MRTFA: variants seen among roughly 807,000 people sequenced by gnomAD.
MRTFA encodes the protein myocardin related transcription factor A, also known as myocardin-related transcription factor A.
Under a neutral mutation model 83.5 loss-of-function variants are expected in MRTFA, and 20 were observed. The ratio of observed to expected loss-of-function variants is 0.24; its 90% CI spans 0.17 to 0.35. MRTFA has a LOEUF of 0.35. Ranked by LOEUF, MRTFA falls within the 10% of genes least tolerant of loss-of-function variation. The probability of loss-of-function intolerance (pLI) is 1.00; values close to 1 mark genes in which losing one functional copy is unlikely to be tolerated. For missense variants in MRTFA, 1,200 were observed against 1,224.7 expected (o/e 0.98, Z 0.30); for synonymous variants, 659 against 541.2 (o/e 1.22, Z -3.02).
At chr22:40,542,155 T>G (rs1267790253) in intron 3 of MRTFA, among the ~76,000 whole-genome samples, 2 of 152,164 alleles carry the variant, frequency 1.3e-5, no homozygotes, top group Non-Finnish European at 2.9e-5. Flanking sequence ...ATACTGGTAC[T>G]CTTCCAGTTC....
intron 2 of MRTFA, 111 bp from the exon 3 acceptor site, chr22:40,552,478 T>A: frequency 2.6e-6 from 1 of 389,332 alleles, no homozygotes; most frequent in Non-Finnish European, 4.5e-6. Context: ...CTCACACATA[T>A]CATGGGAGGG....
intron 3 of MRTFA, chr22:40,523,361 G>C (rs1490833568): frequency 6.6e-6 from 1 of 151,946 alleles, no homozygotes; most frequent in African/African-American, 2.4e-5. Flanking sequence ...TTTTTTTTGA[G>C]ATAGGGTCTC....
chr22:40,527,131 TACACACAC>T (rs35912231), intron 3 of MRTFA, among the ~76,000 whole-genome samples: 5 of 146,378 alleles, frequency 3.4e-5, no homozygotes, highest in Non-Finnish European at 6.0e-5. Context: ...GCCTCAAAGA[TACACACAC>T]ACACACACAC....
At chr22:40,572,005 T>C (rs1304633611) in intron 2 of MRTFA, among the ~76,000 whole-genome samples, 2 of 119,128 alleles carry the variant, frequency 1.7e-5, no homozygotes, top group Non-Finnish European at 3.6e-5. Context: ...TAGGAAATAA[T>C]GAAAAAAAAA....
At chr22:40,436,695 A>G (rs993260693) in intron 4 of MRTFA, among the ~76,000 whole-genome samples, 48 of 150,454 alleles carry the variant, frequency 3.2e-4, no homozygotes, top group African/African-American at 1.2e-3. Flanking sequence ...ATGAGAGGGA[A>G]AGGCCTGACT....
Position 40,419,270 on chromosome 22 carries a change from C to T in MRTFA, c.1468G>A (p.Ala490Thr). The change falls in exon 12 of 15, where the codon GCC (alanine) becomes ACC (threonine). Residue 490 changes from alanine (A) to threonine (T), a missense_variant. By Grantham distance (58) the Ala-to-Thr change is moderately conservative (BLOSUM62 0). Coordinates refer to ENST00000355630, the MANE Select transcript of MRTFA (RefSeq NM_020831.6). ...GAGGTGGCGGCAGGGGCCTTGGGGG[C>T]TCCTGGCACAGGGCTGATTTGGTCT... 1.9e-6 allele frequency: 3 copies of T among 1,613,396 alleles called. No homozygotes were observed. The highest frequency in any genetic ancestry group is 2.5e-6 in the Non-Finnish European group (3 of 1,179,782).
chr22:40,586,804 A>G (rs528575985), intron 2 of MRTFA: 43 of 368,984 alleles, frequency 1.2e-4, no homozygotes, highest in Non-Finnish European at 1.8e-4. Context: ...TCTCCTGCTT[A>G]AAAACAACAA....
intron 1 of MRTFA, among the ~76,000 whole-genome samples, chr22:40,597,550 T>TA (rs1220994483): frequency 6.6e-6 from 1 of 152,228 alleles, no homozygotes; most frequent in Non-Finnish European, 1.5e-5. Flanking sequence ...TAGTCATGGA[T>TA]AAAGAAGGTT....
chr22:40,463,263 G>A lies in MRTFA; in HGVS notation c.265C>T (p.Arg89Cys). ...CTCACCAGTTCTTCCCGGGTCCGGCGCTGCTGGAGTTTCAACTGTAGCACT... is the reference window on the plus strand; with the variant it reads ...CTCACCAGTTCTTCCCGGGTCCGGCACTGCTGGAGTTTCAACTGTAGCACT... The change falls in exon 4 of 15, where the codon CGC becomes TGC. Residue 89 changes from arginine (R) to cysteine (C), a missense_variant. Around this residue, in one of 2 missense-constraint regions of MRTFA, gnomAD observed 93 missense variants for 182.9 expected, o/e 0.51. Transcript: ENST00000355630. 6.2e-7 allele frequency: 1 copy of A among 1,614,072 alleles called. No homozygotes were observed. The highest frequency in any genetic ancestry group is 8.5e-7 in the Non-Finnish European group (1 of 1,179,986).
At chr22:40,428,938 C>T (rs2053011771) in intron 7 of MRTFA, among the ~76,000 whole-genome samples, 1 of 152,214 alleles carries the variant, frequency 6.6e-6, no homozygotes, top group Non-Finnish European at 1.5e-5. Flanking sequence ...CCTACTCATC[C>T]TTCAGCCCCA....
intron 3 of MRTFA, among the ~76,000 whole-genome samples, chr22:40,518,754 C>A (rs1427723211): frequency 1.5e-5 from 2 of 136,260 alleles, no homozygotes; most frequent in East Asian, 4.5e-4. Flanking sequence ...AAGATCATGC[C>A]ACTGCACTCC....
At chr22:40,594,122 A>G (rs533393607) in intron 2 of MRTFA, among the ~76,000 whole-genome samples, 3 of 152,232 alleles carry the variant, frequency 2.0e-5, no homozygotes, top group Non-Finnish European at 4.4e-5. Flanking sequence ...GGAACAAAGC[A>G]TGTTGTGTCA....
chr22:40,452,173 CAG>C (rs1453424716), intron 4 of MRTFA, among the ~76,000 whole-genome samples: 3 of 151,848 alleles, frequency 2.0e-5, no homozygotes, highest in African/African-American at 7.3e-5. Flanking sequence ...TTAGTAGAGA[CAG>C]AGGTTTCACC....
intron 1 of MRTFA, among the ~76,000 whole-genome samples, chr22:40,631,021 GC>G (rs890249285): frequency 1.3e-5 from 2 of 152,130 alleles, no homozygotes; most frequent in African/African-American, 4.8e-5. Flanking sequence ...CAGACAGAGA[GC>G]CCAGTAAATT....
At chr22:40,554,524 G>A (rs1219024480) in intron 2 of MRTFA, among the ~76,000 whole-genome samples, 2 of 152,172 alleles carry the variant, frequency 1.3e-5, no homozygotes, top group Non-Finnish European at 2.9e-5. Context: ...ACCTTGTGAA[G>A]AAGGATGTGT....
chr22:40,438,475 T>C (rs2053212712), intron 4 of MRTFA, among the ~76,000 whole-genome samples: 1 of 152,202 alleles, frequency 6.6e-6, no homozygotes. Context: ...ACCCAACTTC[T>C]AGAAGAACAA....
chr22:40,486,606 A>C (rs978451873), intron 3 of MRTFA, among the ~76,000 whole-genome samples: 2 of 152,234 alleles, frequency 1.3e-5, no homozygotes, highest in Non-Finnish European at 2.9e-5. Flanking sequence ...TTTTGTCTAA[A>C]CAACTGTATT....
chr22:40,633,535 A>T (rs2056662809), intron 1 of MRTFA, among the ~76,000 whole-genome samples: 1 of 152,206 alleles, frequency 6.6e-6, no homozygotes, highest in Admixed American at 6.5e-5. Context: ...TCTCAAAGAA[A>T]GTTTATACCT....
At chr22:40,568,093 T>C (rs180842708) in intron 2 of MRTFA, among the ~76,000 whole-genome samples, 2 of 152,272 alleles carry the variant, frequency 1.3e-5, no homozygotes, top group African/African-American at 4.8e-5. Flanking sequence ...AATGTGTCTA[T>C]GGGTCAAGAG....
Sources: gnomAD v4.1 joint callset for allele counts (sites outside exome capture counted in the v4.1 genomes callset) on GRCh38, gnomAD v4.1.1 for gene constraint, gnomAD v4.1.1 regional missense constraint, MANE v1.5 for transcripts, NCBI Gene and HGNC (gene_info 2026-07-23, HGNC 2026-07-21) for gene names.